KNDC1: variants seen among roughly 807,000 people sequenced by gnomAD.
KNDC1 encodes the protein kinase non-catalytic C-lobe domain-containing protein 1.
In KNDC1, 106 loss-of-function variants were observed where a neutral mutation model predicts 172.8. That is an observed-to-expected ratio of 0.61 (90% confidence interval 0.52 to 0.72). The LOEUF (loss-of-function observed/expected upper bound fraction) is 0.72, where lower values mean the gene tolerates loss of function less well. KNDC1 is among the 30% of genes least tolerant of loss of function. KNDC1 has a pLI of 0.00. For synonymous variants in KNDC1, 1,083 were observed against 1,062.2 expected, an observed-to-expected ratio of 1.02 and a Z score of -0.38; for missense variants, 2,325 against 2,394.5, an observed-to-expected ratio of 0.97 and a Z score of 0.61.
rs1037234083 is a variant in KNDC1 at position 133,224,270 on chromosome 10, C to A, written c.5019-389C>A. ...GCTGTCCCAGGCTTCCGGCCCTGGG[C>A]CCCGGCCGTGGCGATTCCCAGGTGT... On this transcript the variant is annotated intron_variant, in intron 29 of 29. Transcript: ENST00000304613. This position sits in a 1 kb window ranked among gnomAD's most constrained non-coding sequence, Gnocchi z 5.4. 2.6e-5 allele frequency among the ~76,000 whole-genome samples: 4 copies of A among 152,188 alleles called. No individual in the cohort carries two copies. Among genetic ancestry groups the A allele is most frequent in the African/African-American group, 9.7e-5 (4 of 41,440 alleles).
chr10:133,198,858 G>C lies in KNDC1; in HGVS notation c.2350G>C (p.Ala784Pro). Residue 784 changes from alanine to proline, a missense_variant, in exon 14 of 30, where the codon GCC becomes CCC. Coordinates refer to ENST00000304613, the MANE Select transcript of KNDC1 (RefSeq NM_152643.8). ...GGCAGCTCCCGGCTCTCCAGTCCCC[G>C]CCCCGCCCACGAAGGCATCTGCGCT... ...SSAAPGSPVPAPPTKASALPV... is the reference protein window; with the variant it reads ...SSAAPGSPVPPPPTKASALPV... 2 of 1,598,346 alleles carry C rather than the reference G, an allele frequency of 1.3e-6. No individual in the cohort carries two copies. The highest frequency in any genetic ancestry group is 1.7e-4 in the Middle Eastern group (1 of 5,950).
intron 23 of KNDC1, among the ~76,000 whole-genome samples, chr10:133,212,196 G>A (rs571596179): frequency 1.3e-5 from 2 of 150,604 alleles, no homozygotes; most frequent in East Asian, 3.9e-4. Context: ...ACACCTACAC[G>A]TGTGCACCCT....
At chr10:133,216,001 G>A (rs559297028) in intron 26 of KNDC1, among the ~76,000 whole-genome samples, 2 of 152,356 alleles carry the variant, frequency 1.3e-5, no homozygotes, top group Middle Eastern at 3.4e-3. Flanking sequence ...CACCACGCTC[G>A]TCCATCTAAC....
intron 23 of KNDC1, among the ~76,000 whole-genome samples, 166 bp downstream of exon 23, chr10:133,212,024 C>T (rs564885111): frequency 6.6e-6 from 1 of 152,164 alleles, no homozygotes; most frequent in East Asian, 1.9e-4. Context: ...CTTGTGTGCA[C>T]ATACATACCT....
At chr10:133,194,048 C>T (rs1263445831) in intron 9 of KNDC1, among the ~76,000 whole-genome samples, 9 of 152,178 alleles carry the variant, frequency 5.9e-5, no homozygotes, top group Non-Finnish European at 1.0e-4. Context: ...TATGAAGGAA[C>T]TCAACAACAC....
Position 133,188,339 on chromosome 10 carries a change from G to A in KNDC1, c.1327-200G>A, listed in dbSNP as rs1853978332. ...ACCGTGGGACGTTCCCACCCACAGG[G>A]CCAAGGGCCCCAGTCTCCCCACGGC... On this transcript the variant is annotated intron_variant, in intron 6 of 29. Transcript: ENST00000304613. Among the ~76,000 whole-genome samples the A allele has an allele frequency of 2.6e-5, 4 of 152,280 alleles. No homozygotes were observed. In the South Asian group the frequency reaches 8.3e-4, roughly 32 times the overall value.
rs1407124780 is a variant in KNDC1, at chr10:133,190,394, GTAAGCACCCTGCAC to G, written c.1575+595_1575+608del. Among the ~76,000 whole-genome samples the G allele has an allele frequency of 9.3e-5, 14 of 151,116 alleles. 1 individual carries two copies. The South Asian group carries it at 2.3e-3, about 25-fold the overall frequency. ...AACACCCTGCACTAAACACCCTGCA[GTAAGCACCCTGCAC>G]TAAGCACCCTGCAGTAAGCACCCTG... On this transcript the variant is annotated intron_variant, in intron 9 of 29. Coordinates refer to ENST00000304613, the MANE Select transcript of KNDC1 (RefSeq NM_152643.8).
chr10:133,206,228 AAAAT>A (rs1405440705), intron 17 of KNDC1, among the ~76,000 whole-genome samples: 1 of 152,276 alleles, frequency 6.6e-6, no homozygotes, highest in Non-Finnish European at 1.5e-5. Flanking sequence ...TAAAAAATAA[AAAAT>A]AAAAAGGCAG....
At chr10:133,198,554 T>C (rs1854262953) in intron 13 of KNDC1, 24 bp from the exon 14 acceptor site, 1 of 1,578,906 alleles carries the variant, frequency 6.3e-7, no homozygotes. Flanking sequence ...AGGCAGCCCC[T>C]CCTGAGCTCT....
In KNDC1 at chr10:133,199,143, G is replaced by A. The variant is rs760510911; in HGVS notation, c.2635G>A (p.Val879Met). 8.1e-6 allele frequency: 13 copies of A among 1,595,602 alleles called. No individual in the cohort carries two copies. Among genetic ancestry groups the A allele is most frequent in the South Asian group, 5.7e-5 (5 of 88,384 alleles). Residue 879 changes from valine to methionine, a missense_variant, in exon 14 of 30, where the codon GTG (valine) becomes ATG (methionine). Transcript: ENST00000304613. Reference protein sequence around the residue: ...PADRRLCLPCVDASPLPGRTA... With the variant: ...PADRRLCLPCMDASPLPGRTA... ...AGACCGGAGGCTCTGTCTGCCCTGCGTGGATGCCTCGCCACTCCCAGGGAG... is the reference window on the plus strand; with the variant it reads ...AGACCGGAGGCTCTGTCTGCCCTGCATGGATGCCTCGCCACTCCCAGGGAG...
chr10:133,187,747 GGT>G (rs1423157208), intron 6 of KNDC1, among the ~76,000 whole-genome samples: 16 of 152,212 alleles, frequency 1.1e-4, no homozygotes, highest in Non-Finnish European at 1.5e-4. Flanking sequence ...CTGGTGTCAC[GGT>G]GTGTGTGTAT....
rs200491392 is a variant in KNDC1 at position 133,209,525 on chromosome 10, A to ATG, written c.3795-1079_3795-1078dup. On this transcript the variant is annotated intron_variant, in intron 20 of 29. Transcript: ENST00000304613. This position sits in a 1 kb window ranked among gnomAD's most constrained non-coding sequence, Gnocchi z 4.9. Reference sequence around the variant, plus strand: ...TGTGGAGTTCTGTGTGGCTTTGTGCATGTGTGTGGTGTGCGCGTCTGGTTG... The same window carrying ATG: ...TGTGGAGTTCTGTGTGGCTTTGTGCATGTGTGTGTGGTGTGCGCGTCTGGTTG... Among the ~76,000 whole-genome samples the ATG allele has an allele frequency of 0.022, 3,255 of 148,584 alleles. 40 individuals are homozygous for ATG. Among genetic ancestry groups the ATG allele is most frequent in the Middle Eastern group, 0.037 (10 of 270 alleles).
intron 28 of KNDC1, 49 bp from the exon 29 acceptor site, chr10:133,219,906 C>T (rs1159301427): frequency 2.0e-6 from 3 of 1,527,504 alleles, no homozygotes; most frequent in Non-Finnish European, 2.6e-6. Context: ...GGCTCCTGCA[C>T]TGACCACGCC....
chr10:133,186,969 C>G (rs1236844226), intron 6 of KNDC1, among the ~76,000 whole-genome samples: 1 of 152,140 alleles, frequency 6.6e-6, no homozygotes, highest in Non-Finnish European at 1.5e-5. Context: ...CACGGCCGTC[C>G]CGAGGGATTA....
chr10:133,183,320 G>T, intron 3 of KNDC1, 24 bp from the exon 4 acceptor site: 1 of 1,574,854 alleles, frequency 6.3e-7, no homozygotes, highest in African/African-American at 1.3e-5. Context: ...AGACTCTGGA[G>T]CTGACAGCCT....
chr10:133,162,991 T>C (rs12415548), intron 1 of KNDC1, among the ~76,000 whole-genome samples: 1,812 of 151,896 alleles, frequency 0.012, 92 homozygotes, highest in Admixed American at 0.089. Context: ...CAGTACACGA[T>C]AGACAGGGAG....
chr10:133,185,641 A>G (rs1853876963), intron 5 of KNDC1, among the ~76,000 whole-genome samples: 1 of 151,638 alleles, frequency 6.6e-6, no homozygotes, highest in Admixed American at 6.6e-5. Context: ...CCTCGAGGAA[A>G]ACGACGTGCC....
At chr10:133,219,917 C>T (rs981768294) in intron 28 of KNDC1, 38 bp from the exon 29 acceptor site, 80 of 1,537,840 alleles carry the variant, frequency 5.2e-5, no homozygotes, top group Non-Finnish European at 6.6e-5. Flanking sequence ...TGACCACGCC[C>T]TGTCTCTCCC....
chr10:133,170,255 G>A (rs987461378), intron 3 of KNDC1, among the ~76,000 whole-genome samples: 1 of 152,220 alleles, frequency 6.6e-6, no homozygotes, highest in African/African-American at 2.4e-5. Context: ...CGTGGGGCAG[G>A]TGGACGTACA....
Sources: allele counts gnomAD v4.1 joint callset (sites outside exome capture counted in the v4.1 genomes callset), GRCh38; gene constraint gnomAD v4.1.1; non-coding constraint Gnocchi (gnomAD v3.1); transcripts MANE v1.5; gene names NCBI Gene and HGNC (gene_info 2026-07-23, HGNC 2026-07-21).